CFAP221: variants seen among roughly 807,000 people sequenced by gnomAD.
The protein encoded by CFAP221 is cilia and flagella associated protein 221, also known as cilia- and flagella-associated protein 221.
In CFAP221, 97 loss-of-function variants were observed where a neutral mutation model predicts 113.1. The ratio of observed to expected loss-of-function variants is 0.86; its 90% CI spans 0.73 to 1.02. The LOEUF (loss-of-function observed/expected upper bound fraction) is 1.02. CFAP221 is among the 50% of genes least tolerant of loss of function. The pLI, the probability that CFAP221 is intolerant of heterozygous loss-of-function variation, is 0.00. For missense variants in CFAP221, 1,025 were observed against 1,013.4 expected (o/e 1.01, Z -0.16); for synonymous variants, 331 against 354.4 (o/e 0.93, Z 0.74).
At chr2:119,591,293 A>G (rs1234370577) in intron 7 of CFAP221, among the ~76,000 whole-genome samples, 1 of 152,226 alleles carries the variant, frequency 6.6e-6, no homozygotes, top group East Asian at 1.9e-4. Flanking sequence ...TATGAGATGC[A>G]AATGAGTTCC....
intron 6 of CFAP221, among the ~76,000 whole-genome samples, chr2:119,569,233 A>T (rs1681870670): frequency 6.6e-6 from 1 of 151,926 alleles, no homozygotes; most frequent in African/African-American, 2.4e-5. Context: ...TCCTGGGTTC[A>T]CACCATTCTC....
intron 13 of CFAP221, among the ~76,000 whole-genome samples, chr2:119,615,262 G>A (rs1470942604): frequency 2.0e-5 from 3 of 152,156 alleles, no homozygotes; most frequent in Non-Finnish European, 4.4e-5. Flanking sequence ...ACCCAGCCAG[G>A]GGATCTCACA....
chr2:119,641,010 C>A (rs976715561), intron 21 of CFAP221, among the ~76,000 whole-genome samples: 1 of 152,008 alleles, frequency 6.6e-6, no homozygotes, highest in Admixed American at 6.5e-5. Context: ...ACAAGTGCAG[C>A]CGTCCCATCC....
chr2:119,554,142 G>A (rs1680617721), intron 3 of CFAP221, among the ~76,000 whole-genome samples: 3 of 152,176 alleles, frequency 2.0e-5, no homozygotes, highest in Admixed American at 2.0e-4. Context: ...TGCCAAACAA[G>A]GTGGAAAATC....
In CFAP221 at chr2:119,559,774, A is replaced by G; in HGVS notation, c.326A>G (p.Lys109Arg). ...TKYFEINYVR[K>R]EHHLVPGLSL... Reference sequence around the variant, plus strand: ...TACTTTGAGATCAATTATGTAAGAAAGGTAAGCGTCATTGGTTTACCTGTT... The same window carrying G: ...TACTTTGAGATCAATTATGTAAGAAGGGTAAGCGTCATTGGTTTACCTGTT... The change falls in exon 4 of 24, where the codon AAG (lysine) becomes AGG (arginine). Residue 109 changes from lysine (K) to arginine (R), a missense_variant and splice_region_variant. Transcript: ENST00000413369. 6.6e-7 allele frequency: 1 copy of G among 1,520,712 alleles called. No homozygotes were observed. The highest frequency in any genetic ancestry group is 2.4e-5 in the East Asian group (1 of 40,818). 94.2% of individuals were successfully genotyped at this position (1,520,712 alleles called of 1,614,324 possible). A position where few individuals can be genotyped will look rare whatever the true frequency, so the allele number is the denominator to read the frequency against.
At chr2:119,612,882 C>T (rs1239772662) in intron 13 of CFAP221, among the ~76,000 whole-genome samples, 3 of 152,146 alleles carry the variant, frequency 2.0e-5, no homozygotes, top group Non-Finnish European at 4.4e-5. Context: ...GTCCAAAGTC[C>T]TATCTGAGAC....
In CFAP221 at chr2:119,611,728, CG is replaced by C. The variant is rs758830229; in HGVS notation, c.1298del (p.Arg433ProfsTer35). The C allele has an allele frequency of 6.2e-7, 1 of 1,612,232 alleles. No individual in the cohort carries two copies. The highest frequency in any genetic ancestry group is 1.1e-5 in the South Asian group (1 of 90,732). The stretch of plus-strand genomic sequence containing the variant: ...AGAAGTTAGCCATAAACGGGTTGTT[CG>C]CAATCAAGAAGAGGTGGGTAACTTT... Reference protein sequence around the residue: ...KTEVSHKRVVRNQEEKIKEFH... With the variant: ...KTEVSHKRVVXNQEEKIKEFH... On this transcript the variant is annotated frameshift_variant, in exon 13 of 24. Coordinates refer to ENST00000413369, the MANE Select transcript of CFAP221 (RefSeq NM_001271049.2). LOFTEE classifies it high-confidence loss of function.
intron 14 of CFAP221, among the ~76,000 whole-genome samples, 172 bp downstream of exon 14, chr2:119,615,881 A>T (rs559383314): frequency 6.6e-6 from 1 of 152,300 alleles, no homozygotes; most frequent in East Asian, 1.9e-4. Flanking sequence ...CTGGGCAGCC[A>T]TCACCCCTAT....
intron 6 of CFAP221, among the ~76,000 whole-genome samples, chr2:119,579,309 AT>A (rs1194200030): frequency 6.6e-6 from 1 of 151,904 alleles, no homozygotes; most frequent in Admixed American, 6.6e-5. Flanking sequence ...ATATATATAC[AT>A]ATATATATGT....
chr2:119,544,696 G>A (rs751745465), intron 1 of CFAP221, among the ~76,000 whole-genome samples, 186 bp downstream of exon 1: 3 of 152,176 alleles, frequency 2.0e-5, no homozygotes, highest in Non-Finnish European at 4.4e-5. Flanking sequence ...GCGGGCCTGG[G>A]GCGACCCTGA....
intron 7 of CFAP221, chr2:119,590,355 C>G (rs1683513858): frequency 1.3e-5 from 2 of 152,242 alleles, no homozygotes; most frequent in Admixed American, 1.3e-4. Flanking sequence ...CCTCAAACCA[C>G]TTTTTGGTTC....
At chr2:119,547,576 C>T (rs1285679803) in intron 2 of CFAP221, among the ~76,000 whole-genome samples, 1 of 152,036 alleles carries the variant, frequency 6.6e-6, no homozygotes, top group Non-Finnish European at 1.5e-5. Context: ...AAAAGATAAT[C>T]AATCAATAAA....
At chr2:119,569,000 C>G (rs1186903926) in intron 6 of CFAP221, among the ~76,000 whole-genome samples, 1 of 151,938 alleles carries the variant, frequency 6.6e-6, no homozygotes, top group Non-Finnish European at 1.5e-5. Flanking sequence ...GTTTTTTTTC[C>G]TCTCAACACT....
intron 2 of CFAP221, among the ~76,000 whole-genome samples, chr2:119,547,202 G>A (rs1381873742): frequency 6.6e-6 from 1 of 152,174 alleles, no homozygotes; most frequent in Non-Finnish European, 1.5e-5. Context: ...CTGGGCATTA[G>A]AAGAAAAATG....
In CFAP221 at chr2:119,656,357, C is replaced by T; in HGVS notation, c.2415-5C>T. 1 of 1,612,940 alleles carries T rather than the reference C, an allele frequency of 6.2e-7. No individual in the cohort carries two copies. The highest frequency in any genetic ancestry group is 8.5e-7 in the Non-Finnish European group (1 of 1,179,106). On this transcript the variant is annotated splice_region_variant and splice_polypyrimidine_tract_variant and intron_variant, in intron 23 of 23. Coordinates refer to ENST00000413369, the MANE Select transcript of CFAP221 (RefSeq NM_001271049.2). ...TGTTTCCTTCTTGGGTTTTTTGATA[C>T]TCAGAGAAGTGAAAGATCAAGCACA...
intron 6 of CFAP221, among the ~76,000 whole-genome samples, chr2:119,574,649 G>T (rs1215971434): frequency 6.6e-6 from 1 of 151,990 alleles, no homozygotes; most frequent in Non-Finnish European, 1.5e-5. Flanking sequence ...AGCCACCTTT[G>T]GCCACTGCTT....
intron 5 of CFAP221, among the ~76,000 whole-genome samples, chr2:119,560,560 G>C (rs1021158676): frequency 1.3e-5 from 2 of 152,042 alleles, no homozygotes; most frequent in Non-Finnish European, 2.9e-5. Context: ...CAGAGCTGCC[G>C]TCATTCCTTC....
intron 12 of CFAP221, among the ~76,000 whole-genome samples, chr2:119,610,276 A>G (rs1445447098): frequency 1.3e-5 from 2 of 152,094 alleles, no homozygotes; most frequent in African/African-American, 2.4e-5. Context: ...CAGGGACCCC[A>G]TTCTGTGTGT....
intron 3 of CFAP221, among the ~76,000 whole-genome samples, chr2:119,559,185 T>G (rs1681039151): frequency 6.6e-6 from 1 of 152,198 alleles, no homozygotes. Flanking sequence ...ATTCCCACCC[T>G]CAACTTCCTT....
Sources: allele counts gnomAD v4.1 joint callset (sites outside exome capture counted in the v4.1 genomes callset), GRCh38; gene constraint gnomAD v4.1.1; transcripts MANE v1.5; gene names NCBI Gene and HGNC (gene_info 2026-07-23, HGNC 2026-07-21).